MOB3B: variants seen among roughly 807,000 people sequenced by gnomAD.
MOB3B encodes MOB kinase activator-like 2B.
MOB3B carries 7 observed loss-of-function variants against 18.7 expected under a neutral mutation model. The ratio of observed to expected loss-of-function variants is 0.37; its 90% CI spans 0.21 to 0.70. The LOEUF is 0.70. Among genes scored for constraint, MOB3B ranks in the 30% least tolerant of loss-of-function variants. The pLI, the probability that MOB3B is intolerant of heterozygous loss-of-function variation, is 0.52. For missense variants in MOB3B, 253 were observed against 281.3 expected, an observed-to-expected ratio of 0.90 and a Z score of 0.72; for synonymous variants, 111 against 99.9, an observed-to-expected ratio of 1.11 and a Z score of -0.66.
intron 1 of MOB3B, chr9:27,524,345 C>T: frequency 6.2e-7 from 1 of 1,609,266 alleles, no homozygotes; most frequent in Admixed American, 1.7e-5. Flanking sequence ...AAATGAGCAC[C>T]AAACCTGATA....
intron 2 of MOB3B, among the ~76,000 whole-genome samples, chr9:27,444,385 A>T: frequency 6.6e-6 from 1 of 152,126 alleles, no homozygotes; most frequent in East Asian, 1.9e-4. Context: ...TTCAGATGTC[A>T]TTTGTAAATG....
Position 27,325,442 on chromosome 9 carries a change from T to C in MOB3B, c.*5145A>G, listed in dbSNP as rs1370939110. 1 of 152,214 alleles carries C rather than the reference T, an allele frequency of 6.6e-6. No homozygotes were observed. The highest frequency in any genetic ancestry group is 1.5e-5 in the Non-Finnish European group (1 of 68,034). 9.4% of individuals were successfully genotyped at this position (152,214 alleles called of 1,614,324 possible). A position where few individuals can be genotyped will look rare whatever the true frequency, so the allele number is the denominator to read the frequency against. On this transcript the variant is annotated 3_prime_UTR_variant, in exon 4 of 4. Transcript: ENST00000262244. ...ATTCTGAAATCAGATCACTATAAGCTAGTAAAACAGGCGAATTATTTGATT... is the reference window on the plus strand; with the variant it reads ...ATTCTGAAATCAGATCACTATAAGCCAGTAAAACAGGCGAATTATTTGATT...
At position 27,398,996 on chromosome 9, in the gene MOB3B, G is replaced by A. The variant is rs567326291; in HGVS notation, c.419-39760C>T. 1.6e-4 allele frequency among the ~76,000 whole-genome samples: 25 copies of A among 151,670 alleles called. No individual in the cohort carries two copies. In the South Asian group the frequency reaches 2.5e-3, roughly 15 times the overall value. ...TTTTAGCAGTCAACCTGAGTTCTGG[G>A]GGCAGGGGGGTGGGAAACAGACTCT... On this transcript the variant is annotated intron_variant, in intron 2 of 3. Transcript: ENST00000262244.
chr9:27,521,837 T>C (rs2131508228), intron 1 of MOB3B, among the ~76,000 whole-genome samples: 1 of 152,310 alleles, frequency 6.6e-6, no homozygotes, highest in South Asian at 2.1e-4. Context: ...TTCAAAATAC[T>C]CTAGAGTAGA....
intron 2 of MOB3B, among the ~76,000 whole-genome samples, chr9:27,408,743 C>T (rs941083464): frequency 5.3e-5 from 8 of 152,128 alleles, no homozygotes; most frequent in Non-Finnish European, 1.0e-4. Flanking sequence ...GGCCCCCCAG[C>T]GTTATTGCCA....
intron 3 of MOB3B, among the ~76,000 whole-genome samples, chr9:27,352,338 C>T (rs971193879): frequency 2.2e-5 from 3 of 135,836 alleles, no homozygotes; most frequent in African/African-American, 8.6e-5. Context: ...GCCATGATCA[C>T]ACCAGCCTGG....
chr9:27,353,067 C>T (rs754280805), intron 3 of MOB3B, among the ~76,000 whole-genome samples: 11 of 152,174 alleles, frequency 7.2e-5, no homozygotes. Context: ...TTTACTTCCC[C>T]ACCCCACTGA....
intron 1 of MOB3B, among the ~76,000 whole-genome samples, chr9:27,470,393 G>A (rs927523403): frequency 6.6e-6 from 1 of 151,988 alleles, no homozygotes; most frequent in Non-Finnish European, 1.5e-5. Flanking sequence ...TTGATCAATC[G>A]GACAACTCCC....
At chr9:27,460,382 G>C (rs750131746) in intron 1 of MOB3B, among the ~76,000 whole-genome samples, 15 of 152,196 alleles carry the variant, frequency 9.9e-5, no homozygotes, top group Non-Finnish European at 2.1e-4. Flanking sequence ...AACATGCAGA[G>C]AGAATTCGGC....
chr9:27,420,454 T>C (rs769432185), intron 2 of MOB3B, among the ~76,000 whole-genome samples: 2 of 149,922 alleles, frequency 1.3e-5, no homozygotes, highest in Admixed American at 6.6e-5. Context: ...ATTATATATA[T>C]ATATTCCATC....
intron 1 of MOB3B, among the ~76,000 whole-genome samples, chr9:27,500,440 AC>A (rs1219690611): frequency 6.6e-6 from 1 of 152,154 alleles, no homozygotes; most frequent in Non-Finnish European, 1.5e-5. Context: ...CAGAAATAAC[AC>A]CACAAATCTA....
At chr9:27,528,241 C>A (rs1217880652) in intron 1 of MOB3B, among the ~76,000 whole-genome samples, 1 of 152,172 alleles carries the variant, frequency 6.6e-6, no homozygotes, top group Non-Finnish European at 1.5e-5. Flanking sequence ...ACTTGTGGAC[C>A]CCAGAATCTC....
intron 1 of MOB3B, among the ~76,000 whole-genome samples, chr9:27,495,359 TAAA>T (rs1294264173): frequency 6.6e-6 from 1 of 151,884 alleles, no homozygotes; most frequent in African/African-American, 2.4e-5. Flanking sequence ...GATAAATAAA[TAAA>T]TAAATTAATT....
chr9:27,414,206 T>C (rs182733471), intron 2 of MOB3B, among the ~76,000 whole-genome samples: 38 of 152,336 alleles, frequency 2.5e-4, no homozygotes, highest in Admixed American at 1.8e-3. Context: ...AACTTCTACA[T>C]ATACGATTAA....
At chr9:27,339,419 C>T (rs964710469) in intron 3 of MOB3B, among the ~76,000 whole-genome samples, 5 of 152,130 alleles carry the variant, frequency 3.3e-5, no homozygotes, top group Non-Finnish European at 5.9e-5. Context: ...TGAATGAAGC[C>T]GTGCCAGGTC....
At chr9:27,475,330 C>G (rs1400954783) in intron 1 of MOB3B, among the ~76,000 whole-genome samples, 2 of 152,248 alleles carry the variant, frequency 1.3e-5, no homozygotes, top group Admixed American at 6.5e-5. Flanking sequence ...GAGAACCCAG[C>G]TACGCTGTAC....
intron 1 of MOB3B, among the ~76,000 whole-genome samples, chr9:27,500,228 G>A (rs2131494108): frequency 6.6e-6 from 1 of 152,174 alleles, no homozygotes; most frequent in Non-Finnish European, 1.5e-5. Flanking sequence ...GTTGGGGGGT[G>A]GGGAGAACCC....
intron 2 of MOB3B, among the ~76,000 whole-genome samples, chr9:27,441,966 G>A (rs1478329519): frequency 6.6e-6 from 1 of 152,110 alleles, no homozygotes; most frequent in Non-Finnish European, 1.5e-5. Context: ...GACTGAAAAT[G>A]CAGAAGCGGA....
At chr9:27,332,187 T>G (rs1820798913) in intron 3 of MOB3B, among the ~76,000 whole-genome samples, 1 of 152,134 alleles carries the variant, frequency 6.6e-6, no homozygotes, top group East Asian at 1.9e-4. Context: ...TAGACAGGAT[T>G]TCACCATGTT....
Sources: gnomAD v4.1 joint callset for allele counts (sites outside exome capture counted in the v4.1 genomes callset) on GRCh38, gnomAD v4.1.1 for gene constraint, MANE v1.5 for transcripts, NCBI Gene and HGNC (gene_info 2026-07-23, HGNC 2026-07-21) for gene names.